SATB1: variants seen among roughly 807,000 people sequenced by gnomAD.
The protein encoded by SATB1 is DNA-binding protein SATB1.
A neutral mutation model predicts 86.9 loss-of-function variants in SATB1; 11 were observed. That is an observed-to-expected ratio of 0.13 (90% CI 0.08 to 0.21). The LOEUF is 0.21. SATB1 is among the 10% of genes least tolerant of loss of function. The pLI, the probability that SATB1 is intolerant of heterozygous loss-of-function variation, is 1.00. For synonymous variants in SATB1, 357 were observed against 357.2 expected, an observed-to-expected ratio of 1.00 and a Z score of 0.01; for missense variants, 551 against 937.6, an observed-to-expected ratio of 0.59 and a Z score of 5.39.
intron 9 of SATB1, among the ~76,000 whole-genome samples, chr3:18,371,089 G>A (rs754512417): frequency 2.6e-4 from 40 of 152,110 alleles, no homozygotes; most frequent in African/African-American, 5.6e-4. Flanking sequence ...GCACTGAGGC[G>A]GCCGAGGAGG....
intron 7 of SATB1, among the ~76,000 whole-genome samples, chr3:18,391,703 T>C (rs551899530): frequency 6.0e-4 from 91 of 152,248 alleles, no homozygotes; most frequent in African/African-American, 2.1e-3. Context: ...GTGTGATGTG[T>C]GATTTAACTC....
upstream of SATB1, chr3:18,425,372 AGG>A: frequency 7.1e-6 from 1 of 141,058 alleles, no homozygotes; most frequent in Non-Finnish European, 1.5e-5. Context: ...GAGGAGGAGG[AGG>A]GGGGAGGAGA....
At chr3:18,400,452 C>T (rs905344901) in intron 5 of SATB1, among the ~76,000 whole-genome samples, 1 of 152,160 alleles carries the variant, frequency 6.6e-6, no homozygotes, top group African/African-American at 2.4e-5. Context: ...ATTTCCTATG[C>T]TAAATGGGAA....
At chr3:18,406,096 T>A (rs1313572062) in intron 5 of SATB1, among the ~76,000 whole-genome samples, 1 of 151,998 alleles carries the variant, frequency 6.6e-6, no homozygotes, top group Non-Finnish European at 1.5e-5. Flanking sequence ...TTTTCCAGGC[T>A]GAGCTGGTGA....
At chr3:18,434,877 AT>A (rs773549082) in intron 2 of SATB1, 42 of 152,134 alleles carry the variant, frequency 2.8e-4, no homozygotes, top group Admixed American at 4.6e-4. Context: ...AAAAAAAAAA[AT>A]AACCGCTAAG....
chr3:18,364,800 A>G (rs1002275517), intron 9 of SATB1, among the ~76,000 whole-genome samples: 14 of 152,136 alleles, frequency 9.2e-5, no homozygotes, highest in African/African-American at 3.4e-4. Context: ...TAAGTTCTTA[A>G]CATATTAGAA....
chr3:18,386,331 T>G lies in SATB1; in HGVS notation c.1419+68A>C. The G allele has an allele frequency of 4.2e-6, 5 of 1,194,632 alleles. No individual in the cohort carries two copies. The highest frequency in any genetic ancestry group is 6.1e-6 in the Non-Finnish European group (5 of 823,836). The allele number at this position is 1,194,632 out of a possible 1,614,324, so 74.0% of individuals were successfully genotyped here. On this transcript the variant is annotated intron_variant, in intron 8 of 10. Coordinates refer to ENST00000338745, the MANE Select transcript of SATB1 (RefSeq NM_002971.6). The surrounding 1 kb of genome is among the most constrained non-coding windows in gnomAD (Gnocchi z 4.5). ...TGTATCTATCTATCTAATTTCTTAT[T>G]GAGATTCTTCCTCAAGCATTAAAAA... is the stretch of plus-strand genomic sequence containing the variant.
Position 18,347,550 on chromosome 3 carries a change from G to GTTAC in SATB1, c.*1616_*1619dup, listed in dbSNP as rs1694119649. 2 of 151,112 alleles carry GTTAC rather than the reference G, an allele frequency of 1.3e-5. No individual in the cohort carries two copies. Among genetic ancestry groups the GTTAC allele is most frequent in the South Asian group, 4.2e-4 (2 of 4,776 alleles). 9.4% of individuals were successfully genotyped at this position (151,112 alleles called of 1,614,324 possible). ...GTCCATTTTTTCCCCTACTTATTTT[G>GTTAC]TTACTATTAATGGCCTTTAGAAATA... On this transcript the variant is annotated 3_prime_UTR_variant, in exon 11 of 11. Transcript: ENST00000338745.
upstream of SATB1, among the ~76,000 whole-genome samples, chr3:18,443,300 T>C (rs762901423): frequency 5.9e-5 from 9 of 152,190 alleles, no homozygotes; most frequent in Non-Finnish European, 1.2e-4. This position sits in a 1 kb window ranked among gnomAD's most constrained non-coding sequence, Gnocchi z 4.4. Flanking sequence ...GATGCAAACA[T>C]GGAAACCCAG....
intron 9 of SATB1, among the ~76,000 whole-genome samples, chr3:18,367,215 G>A (rs1020198043): frequency 6.6e-6 from 1 of 152,134 alleles, no homozygotes; most frequent in African/African-American, 2.4e-5. Context: ...AAACATCGGT[G>A]AGTTTGCAAA....
intron 2 of SATB1, among the ~76,000 whole-genome samples, chr3:18,435,554 T>C (rs531835389): frequency 6.6e-6 from 1 of 152,060 alleles, no homozygotes; most frequent in Non-Finnish European, 1.5e-5. Context: ...ACCCACCAGG[T>C]GACCAAAAGC....
chr3:18,445,382 G>C, intron 1 of SATB1: 1 of 979,304 alleles, frequency 1.0e-6, no homozygotes, highest in Non-Finnish European at 1.2e-6. Context: ...GGAGGGGCGA[G>C]GGCGGGCCAG....
At chr3:18,378,103 C>A in intron 9 of SATB1, 67 bp downstream of exon 9, 6 of 1,352,672 alleles carry the variant, frequency 4.4e-6, no homozygotes, top group Non-Finnish European at 6.0e-6. Context: ...AAAATAGACA[C>A]TCCTTTTAAT....
intron 2 of SATB1, among the ~76,000 whole-genome samples, chr3:18,430,884 G>GA (rs1289056286): frequency 5.3e-5 from 8 of 152,270 alleles, no homozygotes; most frequent in Admixed American, 1.3e-4. Flanking sequence ...AGTTGAGGGG[G>GA]AAAAAACCCA....
Position 18,352,318 on chromosome 3 carries a change from T to C in SATB1, c.1576-123A>G. On this transcript the variant is annotated intron_variant, in intron 9 of 10. Transcript: ENST00000338745. The surrounding 1 kb of genome is among the most constrained non-coding windows in gnomAD (Gnocchi z 4.1). ...TTCATAAGCTCAGAACACACCATTC[T>C]GCTTTAAAAATTGTTTTTAACTTGT... 1 of 774,642 alleles carries C rather than the reference T, an allele frequency of 1.3e-6. No homozygotes were observed. The highest frequency in any genetic ancestry group is 2.1e-6 in the Non-Finnish European group (1 of 483,594). The allele number at this position is 774,642 out of a possible 1,614,324, so 48.0% of individuals were successfully genotyped here.
At chr3:18,385,855 A>G (rs545924620) in intron 8 of SATB1, among the ~76,000 whole-genome samples, 2 of 152,196 alleles carry the variant, frequency 1.3e-5, no homozygotes, top group African/African-American at 4.8e-5. Context: ...AAGAGAAAAC[A>G]TGCCCGTATC....
intron 2 of SATB1, among the ~76,000 whole-genome samples, chr3:18,419,937 A>G (rs1042175906): frequency 6.6e-6 from 1 of 152,230 alleles, no homozygotes; most frequent in African/African-American, 2.4e-5. Context: ...TTCTAACTTT[A>G]TCTACTTAAT....
chr3:18,415,754 C>T (rs746267294), intron 4 of SATB1, among the ~76,000 whole-genome samples: 19 of 151,806 alleles, frequency 1.3e-4, no homozygotes, highest in Non-Finnish European at 1.9e-4. Flanking sequence ...ATTGACTAAA[C>T]GTAAAAAGTC....
Position 18,349,950 on chromosome 3 carries a change from G to T in SATB1, c.1780-268C>A. 2.1e-6 allele frequency: 1 copy of T among 477,566 alleles called. No homozygotes were observed. Among genetic ancestry groups the T allele is most frequent in the Non-Finnish European group, 3.5e-6 (1 of 282,438 alleles). 29.6% of individuals were successfully genotyped at this position (477,566 alleles called of 1,614,324 possible). On this transcript the variant is annotated intron_variant, in intron 10 of 10. Transcript: ENST00000338745. This position sits in a 1 kb window ranked among gnomAD's most constrained non-coding sequence, Gnocchi z 5.5. Reference sequence around the variant, plus strand: ...GATCAGCAGAGGAAGTGAAAACTCAGTGCTCTGAAAATGTGAGCCATAAAA... The same window carrying T: ...GATCAGCAGAGGAAGTGAAAACTCATTGCTCTGAAAATGTGAGCCATAAAA...
Sources: gnomAD v4.1 joint callset for allele counts (sites outside exome capture counted in the v4.1 genomes callset) on GRCh38, gnomAD v4.1.1 for gene constraint, Gnocchi (gnomAD v3.1) non-coding constraint, MANE v1.5 for transcripts, NCBI Gene and HGNC (gene_info 2026-07-23, HGNC 2026-07-21) for gene names.